Variants in TTC6 observed in about 807,000 individuals in gnomAD.
TTC6 encodes tetratricopeptide repeat protein 6.
In TTC6, 172 loss-of-function variants were observed where a neutral mutation model predicts 210.4. The ratio of observed to expected loss-of-function variants is 0.82; its 90% confidence interval spans 0.72 to 0.93. The LOEUF is 0.93. Ranked by LOEUF, TTC6 falls within the 40% of genes least tolerant of loss-of-function variation. The probability of loss-of-function intolerance (pLI) is 0.00; values close to 1 mark genes in which losing one functional copy is unlikely to be tolerated. For synonymous variants in TTC6, 804 were observed against 819.6 expected (o/e 0.98, Z 0.32); for missense variants, 2,414 against 2,318.1 (o/e 1.04, Z -0.85).
intron 7 of TTC6, among the ~76,000 whole-genome samples, chr14:37,733,391 G>A (rs2095893155): frequency 6.6e-6 from 1 of 151,876 alleles, no homozygotes; most frequent in African/African-American, 2.4e-5. Context: ...TATAGAATTT[G>A]TTTTAAGAGG....
chr14:37,640,033 C>A (rs1366263330), intron 1 of TTC6, among the ~76,000 whole-genome samples: 2 of 151,258 alleles, frequency 1.3e-5, no homozygotes, highest in Admixed American at 1.3e-4. Flanking sequence ...ATTTCTTTAG[C>A]TGGTTTTATT....
chr14:37,720,220 T>C (rs1298043222), intron 6 of TTC6, among the ~76,000 whole-genome samples: 1 of 152,038 alleles, frequency 6.6e-6, no homozygotes, highest in African/African-American at 2.4e-5. Context: ...AATAGGATCA[T>C]TGATATATTG....
chr14:37,679,815 C>G (rs1000753476), intron 1 of TTC6, among the ~76,000 whole-genome samples: 2 of 151,948 alleles, frequency 1.3e-5, no homozygotes, highest in Admixed American at 1.3e-4. Flanking sequence ...CTCAGCCTCC[C>G]AAGTAGCTGG....
Position 37,792,499 on chromosome 14 carries a change from A to T in TTC6, c.3708+85A>T, listed in dbSNP as rs2096082313. On this transcript the variant is annotated intron_variant, in intron 17 of 30. Coordinates refer to ENST00000553443, the Ensembl canonical transcript of TTC6. ...TTCAACATAATTTTAATATATATAC[A>T]TATTTTAGCTAATTGTAGGGGCTAA... 3.5e-6 allele frequency: 4 copies of T among 1,145,696 alleles called. No homozygotes were observed. In the Admixed American group the frequency reaches 1.4e-4, roughly 41 times the overall value. 71.0% of individuals were successfully genotyped at this position (1,145,696 alleles called of 1,614,324 possible). A position where few individuals can be genotyped will look rare whatever the true frequency, so the allele number is the denominator to read the frequency against.
chr14:37,703,332 A>C (rs1469621877), intron 5 of TTC6, among the ~76,000 whole-genome samples: 1 of 152,102 alleles, frequency 6.6e-6, no homozygotes, highest in Non-Finnish European at 1.5e-5. Flanking sequence ...GATGAGGATA[A>C]TTCTTGGCAA....
intron 1 of TTC6, among the ~76,000 whole-genome samples, chr14:37,636,423 T>C (rs1156887217): frequency 1.3e-5 from 2 of 152,194 alleles, no homozygotes; most frequent in Non-Finnish European, 2.9e-5. Flanking sequence ...ATAGACTGTA[T>C]TCTCTGACCC....
At chr14:37,710,448 A>C (rs572412272) in intron 5 of TTC6, among the ~76,000 whole-genome samples, 1 of 152,246 alleles carries the variant, frequency 6.6e-6, no homozygotes, top group African/African-American at 2.4e-5. Flanking sequence ...CTCTGGCCTC[A>C]TGGGAGACCA....
chr14:37,775,720 T>G (rs2096035153), intron 14 of TTC6, among the ~76,000 whole-genome samples: 3 of 152,168 alleles, frequency 2.0e-5, no homozygotes, highest in African/African-American at 7.2e-5. Flanking sequence ...AGTGGGGTGT[T>G]GAAATCTCCC....
At chr14:37,749,767 T>A in exon 12 of TTC6, 1 of 1,466,812 alleles carries the variant, frequency 6.8e-7, no homozygotes, top group Non-Finnish European at 9.0e-7. Context: ...GACATTTAAT[T>A]TATCTTTTCC....
At chr14:37,806,563 T>G in intron 22 of TTC6, 53 bp downstream of exon 24, 1 of 1,424,890 alleles carries the variant, frequency 7.0e-7, no homozygotes, top group Non-Finnish European at 9.3e-7. Context: ...TTGGTAAAAC[T>G]ATTAAATCTT....
rs115015357 is a variant in TTC6, at chr14:37,708,635, T to A, written c.1572-6020T>A. Among the ~76,000 whole-genome samples, 662 of 152,232 alleles carry A rather than the reference T, an allele frequency of 4.3e-3. 7 individuals are homozygous for A. In the Middle Eastern group the frequency reaches 0.061, roughly 14 times the overall value. On this transcript the variant is annotated intron_variant, in intron 5 of 30. Coordinates refer to ENST00000553443, the Ensembl canonical transcript of TTC6. ...GCTCTCATTCTGTTTTTAGGACCAA[T>A]TTGACCTAATCTAGGAAGAATGTGA...
intron 1 of TTC6, among the ~76,000 whole-genome samples, chr14:37,632,620 C>T (rs932965196): frequency 5.3e-5 from 8 of 152,234 alleles, no homozygotes; most frequent in Admixed American, 5.2e-4. Context: ...AGGAGGCTGT[C>T]TGTCCCTTAG....
intron 1 of TTC6, among the ~76,000 whole-genome samples, chr14:37,648,700 T>G (rs1595058433): frequency 6.6e-6 from 1 of 152,200 alleles, no homozygotes; most frequent in Non-Finnish European, 1.5e-5. Context: ...GTAAAGAGAT[T>G]GTAAAAAATT....
At chr14:37,679,098 T>C (rs1367958776) in intron 1 of TTC6, among the ~76,000 whole-genome samples, 1 of 152,072 alleles carries the variant, frequency 6.6e-6, no homozygotes, top group African/African-American at 2.4e-5. Context: ...GTATGCACTT[T>C]GTAGTCCATG....
rs150374772 is a variant in TTC6, at chr14:37,648,464, A to G, written c.939+25461A>G. 5.7e-4 allele frequency among the ~76,000 whole-genome samples: 87 copies of G among 152,200 alleles called. 1 individual carries two copies. Among genetic ancestry groups the G allele is most frequent in the African/African-American group, 1.9e-3 (79 of 41,542 alleles). The stretch of plus-strand genomic sequence containing the variant: ...ATGTTTCTATACACTGATGATTTCT[A>G]TTAGAGTTTTTGCATTTGTCTTCAT... On this transcript the variant is annotated intron_variant, in intron 1 of 30. Transcript: ENST00000553443.
intron 14 of TTC6, among the ~76,000 whole-genome samples, chr14:37,753,745 T>A (rs1235041996): frequency 2.2e-5 from 1 of 45,624 alleles, no homozygotes; most frequent in South Asian, 1.4e-3. Flanking sequence ...ATTTTTCAAT[T>A]TTTTTTTTTT....
At chr14:37,773,517 C>T (rs1465572274) in intron 14 of TTC6, among the ~76,000 whole-genome samples, 2 of 152,138 alleles carry the variant, frequency 1.3e-5, no homozygotes, top group African/African-American at 4.8e-5. Flanking sequence ...ACAGGGAGTC[C>T]TTTTCCCATT....
At chr14:37,688,914 T>C (rs1410251895) in intron 3 of TTC6, among the ~76,000 whole-genome samples, 1 of 152,046 alleles carries the variant, frequency 6.6e-6, no homozygotes, top group African/African-American at 2.4e-5. Context: ...CAGACAGATA[T>C]CTACAAGTAT....
chr14:37,812,577 A>G, intron 25 of TTC6, 144 bp downstream of exon 27: 1 of 742,026 alleles, frequency 1.3e-6, no homozygotes. Flanking sequence ...ACTTGAAATG[A>G]CTAATAGGCT....
Sources: allele counts gnomAD v4.1 joint callset (sites outside exome capture counted in the v4.1 genomes callset), GRCh38; gene constraint gnomAD v4.1.1; transcripts MANE v1.5; gene names NCBI Gene and HGNC (gene_info 2026-07-23, HGNC 2026-07-21).